Variants in MME observed in about 807,000 individuals in gnomAD.
MME encodes membrane metalloendopeptidase, also known as neprilysin.
MME carries 98 observed loss-of-function variants against 113.2 expected under a neutral mutation model. The ratio of observed to expected loss-of-function variants is 0.87; its 90% confidence interval spans 0.74 to 1.02. The LOEUF (loss-of-function observed/expected upper bound fraction) is 1.02, where lower values mean the gene tolerates loss of function less well. Ranked by LOEUF, MME falls within the 50% of genes least tolerant of loss-of-function variation. The pLI, the probability that MME is intolerant of heterozygous loss-of-function variation, is 0.00. For missense variants in MME, 836 were observed against 896.0 expected (o/e 0.93, Z 0.86); for synonymous variants, 292 against 300.6 (o/e 0.97, Z 0.30).
chr3:155,070,405 G>A (rs1435665501), intron 1 of MME, among the ~76,000 whole-genome samples: 1 of 152,188 alleles, frequency 6.6e-6, no homozygotes, highest in Non-Finnish European at 1.5e-5. Context: ...ACATACATCT[G>A]CATAAACAGA....
intron 1 of MME, among the ~76,000 whole-genome samples, chr3:155,036,783 T>A (rs1447184112): frequency 6.6e-6 from 1 of 152,104 alleles, no homozygotes; most frequent in East Asian, 1.9e-4. Context: ...TCTTCTATAG[T>A]TTGTGTATTT....
At chr3:155,025,765 T>C (rs1441451522) in intron 1 of MME, among the ~76,000 whole-genome samples, 5 of 135,716 alleles carry the variant, frequency 3.7e-5, no homozygotes, top group African/African-American at 1.4e-4. Context: ...CGATCTCGGC[T>C]CACTGCAACC....
chr3:155,130,890 A>G (rs147821147), intron 8 of MME, among the ~76,000 whole-genome samples: 99 of 152,296 alleles, frequency 6.5e-4, no homozygotes, highest in African/African-American at 2.2e-3. Context: ...CATTGAGCTT[A>G]TGCTATGTGA....
intron 3 of MME, among the ~76,000 whole-genome samples, chr3:155,091,639 A>G (rs1716305902): frequency 6.6e-6 from 1 of 152,170 alleles, no homozygotes; most frequent in Non-Finnish European, 1.5e-5. Flanking sequence ...GTTTTGTCCT[A>G]CTCATAAGCA....
intron 16 of MME, among the ~76,000 whole-genome samples, chr3:155,159,310 T>G (rs1261641077): frequency 6.6e-6 from 1 of 152,024 alleles, no homozygotes; most frequent in Non-Finnish European, 1.5e-5. Flanking sequence ...AGTAGGATAA[T>G]TGTCATACTA....
At chr3:155,091,081 G>A (rs1250187833) in intron 3 of MME, among the ~76,000 whole-genome samples, 1 of 152,166 alleles carries the variant, frequency 6.6e-6, no homozygotes, top group East Asian at 1.9e-4. Context: ...TCATTATGTA[G>A]TTAAGTTTGG....
rs1712810800 is a variant in MME at position 155,027,091 on chromosome 3, T to A, written c.-11+2767T>A. On this transcript the variant is annotated intron_variant, in intron 1 of 22. Coordinates refer to the MME transcript ENST00000492661. ...CTCAAGCTTCTCTTTGCATTTCTAA[T>A]ATTTGTCAATATACTTAGACATTTC... Among the ~76,000 whole-genome samples the A allele has an allele frequency of 2.0e-5, 3 of 152,344 alleles. No individual in the cohort carries two copies. In the South Asian group the frequency reaches 6.2e-4, roughly 32 times the overall value.
chr3:155,150,284 A>G (rs1721825549), intron 16 of MME, among the ~76,000 whole-genome samples: 1 of 152,222 alleles, frequency 6.6e-6, no homozygotes, highest in Admixed American at 6.5e-5. Context: ...TGCCAGTTTC[A>G]TAATCATTTT....
chr3:155,168,240 G>T (rs973128187), intron 18 of MME, among the ~76,000 whole-genome samples: 8 of 152,138 alleles, frequency 5.3e-5, no homozygotes, highest in Non-Finnish European at 1.0e-4. Flanking sequence ...TTGTCTGGCG[G>T]CCTCTTCTGA....
At chr3:155,159,048 G>T (rs1032399188) in intron 16 of MME, 1 of 151,886 alleles carries the variant, frequency 6.6e-6, no homozygotes, top group Non-Finnish European at 1.5e-5. Context: ...TATATAAAAA[G>T]TCTTGATAAG....
chr3:155,107,803 G>A lies in MME; in HGVS notation c.197-7191G>A, dbSNP rs999112198. Among the ~76,000 whole-genome samples, 9 of 152,136 alleles carry A rather than the reference G, an allele frequency of 5.9e-5. No homozygotes were observed. In the South Asian group the frequency reaches 1.2e-3, roughly 21 times the overall value. ...ATTGAACAAGGGAACTATAGACAAG[G>A]ATCCTTTTTGTAGTCCATTTAGTCA... is the stretch of plus-strand genomic sequence containing the variant. On this transcript the variant is annotated intron_variant, in intron 3 of 22. Coordinates refer to ENST00000360490, the MANE Select transcript of MME (RefSeq NM_007289.4).
intron 1 of MME, among the ~76,000 whole-genome samples, chr3:155,046,892 G>C (rs1270174784): frequency 6.6e-6 from 1 of 152,142 alleles, no homozygotes; most frequent in Non-Finnish European, 1.5e-5. Flanking sequence ...TTGTACAATT[G>C]TACAATGTTT....
intron 18 of MME, 49 bp from the exon 19 acceptor site, chr3:155,168,443 A>G: frequency 6.7e-7 from 1 of 1,498,082 alleles, no homozygotes; most frequent in Non-Finnish European, 9.2e-7. Flanking sequence ...CATATCTTAT[A>G]ATTCTTGTTG....
chr3:155,165,700 A>C (rs1723042554), intron 17 of MME, among the ~76,000 whole-genome samples: 2 of 152,298 alleles, frequency 1.3e-5, no homozygotes, highest in Non-Finnish European at 2.9e-5. Context: ...ACAAGGAATG[A>C]GAGTATGTGT....
At chr3:155,063,929 G>T (rs1475138315) in intron 1 of MME, among the ~76,000 whole-genome samples, 1 of 151,732 alleles carries the variant, frequency 6.6e-6, no homozygotes, top group African/African-American at 2.4e-5. Flanking sequence ...GGGCTTTACA[G>T]AGGTAATCAA....
At chr3:155,064,265 G>A (rs1158247850) in intron 1 of MME, among the ~76,000 whole-genome samples, 5 of 151,900 alleles carry the variant, frequency 3.3e-5, no homozygotes, top group Non-Finnish European at 7.4e-5. Flanking sequence ...CTTCAGCCTG[G>A]GCAACAGAGT....
intron 3 of MME, among the ~76,000 whole-genome samples, chr3:155,106,888 G>A (rs959618652): frequency 6.6e-6 from 1 of 152,188 alleles, no homozygotes; most frequent in Non-Finnish European, 1.5e-5. Context: ...TCTGACCTCT[G>A]TTGGACAATT....
chr3:155,053,432 GT>G (rs1156525057), intron 1 of MME, among the ~76,000 whole-genome samples: 1 of 152,166 alleles, frequency 6.6e-6, no homozygotes, highest in African/African-American at 2.4e-5. Context: ...ATGGTGGCAG[GT>G]GAGATAAGTT....
chr3:155,057,658 T>C (rs1713981143), intron 1 of MME, among the ~76,000 whole-genome samples: 1 of 151,906 alleles, frequency 6.6e-6, no homozygotes, highest in Non-Finnish European at 1.5e-5. Flanking sequence ...TTGGTGTGTT[T>C]TCCCCAAGCT....
Sources: allele counts gnomAD v4.1 joint callset (sites outside exome capture counted in the v4.1 genomes callset), GRCh38; gene constraint gnomAD v4.1.1; transcripts MANE v1.5; gene names NCBI Gene and HGNC (gene_info 2026-07-23, HGNC 2026-07-21).